SOX5: variants seen among roughly 807,000 people sequenced by gnomAD.
The protein encoded by SOX5 is SRY-box transcription factor 5.
A neutral mutation model predicts 92.0 loss-of-function variants in SOX5; 9 were observed. That is an observed-to-expected ratio of 0.10 (90% CI 0.06 to 0.17). The LOEUF is 0.17. Ranked by LOEUF, SOX5 falls within the 10% of genes least tolerant of loss-of-function variation. The pLI is 1.00. For synonymous variants in SOX5, 344 were observed against 336.3 expected (o/e 1.02, Z -0.25); for missense variants, 642 against 944.5 (o/e 0.68, Z 4.20).
chr12:24,205,442 T>C (rs1026458077), intron 4 of SOX5, among the ~76,000 whole-genome samples: 6 of 152,218 alleles, frequency 3.9e-5, no homozygotes, highest in African/African-American at 1.2e-4. Context: ...GTTATTCTTA[T>C]ACTAATTTTA....
chr12:23,955,183 T>G (rs1449004794), upstream of SOX5, among the ~76,000 whole-genome samples: 3 of 152,098 alleles, frequency 2.0e-5, no homozygotes, highest in Admixed American at 6.6e-5. Flanking sequence ...TAATGGCAAT[T>G]AAGTATAGAG....
At position 24,260,411 on chromosome 12, in the gene SOX5, T is replaced by C. The variant is rs772746931; in HGVS notation, c.-77+16805A>G. ...ACGATGACTTAAAAGAGTTAATCCA[T>C]AGAAAAACATTTAGAAAAGTGCCTA... On this transcript the variant is annotated intron_variant, in intron 3 of 4. Transcript: ENST00000446891. Among the ~76,000 whole-genome samples, 149 of 152,208 alleles carry C rather than the reference T, an allele frequency of 9.8e-4. 1 individual carries two copies. The highest frequency in any genetic ancestry group is 1.2e-3 in the Non-Finnish European group (85 of 68,046).
At chr12:23,776,248 A>C (rs2095095283) in intron 3 of SOX5, among the ~76,000 whole-genome samples, 1 of 152,202 alleles carries the variant, frequency 6.6e-6, no homozygotes, top group Non-Finnish European at 1.5e-5. Context: ...AAATGAACTT[A>C]TATAAAATTA....
chr12:24,009,306 T>A (rs1195463433), intron 4 of SOX5, among the ~76,000 whole-genome samples: 1 of 152,206 alleles, frequency 6.6e-6, no homozygotes, highest in Non-Finnish European at 1.5e-5. Flanking sequence ...AATGTAGCTA[T>A]AGATAAACAG....
At chr12:24,053,180 C>G (rs11047236) in intron 4 of SOX5, among the ~76,000 whole-genome samples, 6,031 of 108,932 alleles carry the variant, frequency 0.055, 170 homozygotes, top group Middle Eastern at 0.11. Context: ...TACTGCACGC[C>G]CCCCCCCTTT....
chr12:24,296,758 G>C (rs1947293505), intron 2 of SOX5, among the ~76,000 whole-genome samples: 1 of 149,686 alleles, frequency 6.7e-6, no homozygotes, highest in Non-Finnish European at 1.5e-5. Context: ...TCCTAACTAA[G>C]GCATTATCAC....
At chr12:23,940,049 TTTC>T (rs1943331094) in intron 1 of SOX5, among the ~76,000 whole-genome samples, 1 of 151,230 alleles carries the variant, frequency 6.6e-6, no homozygotes, top group Non-Finnish European at 1.5e-5. Context: ...CTTCATATTT[TTTC>T]TTTTCTTTTA....
intron 7 of SOX5, among the ~76,000 whole-genome samples, chr12:23,651,674 G>A (rs2081578584): frequency 2.0e-5 from 3 of 152,054 alleles, no homozygotes; most frequent in African/African-American, 7.2e-5. Context: ...GATCACTGGG[G>A]AAAGAATCAG....
rs1555289223 is a variant in SOX5, at chr12:23,719,804, A to AAAAC, written c.810+14879_810+14880insGTTT. 4.5e-3 allele frequency among the ~76,000 whole-genome samples: 680 copies of AAAAC among 150,446 alleles called. 8 individuals carry two copies. Among genetic ancestry groups the AAAAC allele is most frequent in the African/African-American group, 0.016 (664 of 40,904 alleles). ...GCTATTTACCAAAAAAAAAAAAAAA[A>AAAAC]AAAAAAACTGATGGATAGTTATTTC... On this transcript the variant is annotated intron_variant, in intron 6 of 14. Transcript: ENST00000451604.
At chr12:24,329,356 G>A (rs920709962) in intron 2 of SOX5, among the ~76,000 whole-genome samples, 1 of 152,132 alleles carries the variant, frequency 6.6e-6, no homozygotes, top group Non-Finnish European at 1.5e-5. Flanking sequence ...GGCGGCAGGC[G>A]AGAGAGAAGA....
chr12:23,767,675 G>C (rs1206317436), intron 3 of SOX5, among the ~76,000 whole-genome samples: 1 of 152,026 alleles, frequency 6.6e-6, no homozygotes, highest in African/African-American at 2.4e-5. Flanking sequence ...ATAAAATCAT[G>C]TCTCATATCT....
intron 2 of SOX5, among the ~76,000 whole-genome samples, chr12:24,335,149 C>T (rs1233514076): frequency 6.6e-6 from 1 of 152,112 alleles, no homozygotes; most frequent in Non-Finnish European, 1.5e-5. Context: ...CAATGAACTC[C>T]TTAGCATCAA....
intron 1 of SOX5, among the ~76,000 whole-genome samples, chr12:23,928,986 G>C (rs1940749116): frequency 6.6e-6 from 1 of 150,936 alleles, no homozygotes; most frequent in Non-Finnish European, 1.5e-5. Context: ...ATATCTGAAA[G>C]AAAATTATAA....
intron 7 of SOX5, among the ~76,000 whole-genome samples, chr12:23,649,522 A>G (rs1247979647): frequency 6.6e-6 from 1 of 152,132 alleles, no homozygotes. Context: ...GGTTTTAACC[A>G]TTTGAAAAAT....
chr12:24,537,664 G>A (rs138724454), intron 1 of SOX5, among the ~76,000 whole-genome samples: 1 of 152,312 alleles, frequency 6.6e-6, no homozygotes, highest in African/African-American at 2.4e-5. Context: ...CAGCTACTGA[G>A]AATAAATCTC....
intron 1 of SOX5, among the ~76,000 whole-genome samples, chr12:23,911,127 A>C (rs2097347502): frequency 6.6e-6 from 1 of 150,728 alleles, no homozygotes; most frequent in South Asian, 2.1e-4. Flanking sequence ...GAAGAAAAAC[A>C]AAAAAAAATT....
intron 2 of SOX5, among the ~76,000 whole-genome samples, chr12:23,869,107 A>G (rs2096846052): frequency 6.6e-6 from 1 of 152,302 alleles, no homozygotes; most frequent in Admixed American, 6.5e-5. Context: ...GAAGGTTGTT[A>G]AAGATTACAT....
At chr12:24,270,664 T>C (rs1007799026) in intron 3 of SOX5, among the ~76,000 whole-genome samples, 31 of 152,208 alleles carry the variant, frequency 2.0e-4, no homozygotes, top group African/African-American at 7.2e-4. Flanking sequence ...TTCTGCACCC[T>C]GACCTCAACC....
At chr12:24,436,217 C>A (rs2900532) in intron 1 of SOX5, among the ~76,000 whole-genome samples, 90,673 of 152,140 alleles carry the variant, frequency 0.6, 27,596 homozygotes, top group East Asian at 0.98. Flanking sequence ...GCAACGATTC[C>A]GGATAGTGAG....
Sources: gnomAD v4.1 joint callset for allele counts (sites outside exome capture counted in the v4.1 genomes callset) on GRCh38, gnomAD v4.1.1 for gene constraint, MANE v1.5 for transcripts, NCBI Gene and HGNC (gene_info 2026-07-23, HGNC 2026-07-21) for gene names.